DIAPH3: variants seen among roughly 807,000 people sequenced by gnomAD.
DIAPH3 encodes diaphanous related formin 3.
A neutral mutation model predicts 144.3 loss-of-function variants in DIAPH3; 117 were observed. That is an observed-to-expected ratio of 0.81 (90% CI 0.70 to 0.95). The LOEUF (loss-of-function observed/expected upper bound fraction) is 0.95, where lower values mean the gene tolerates loss of function less well. Among genes scored for constraint, DIAPH3 ranks in the 40% least tolerant of loss-of-function variants. DIAPH3 has a pLI of 0.00. For synonymous variants in DIAPH3, 519 were observed against 488.9 expected (o/e 1.06, Z -0.81); for missense variants, 1,421 against 1,412.7 (o/e 1.01, Z -0.09).
chr13:59,770,787 G>A (rs2139253818), intron 27 of DIAPH3, among the ~76,000 whole-genome samples: 1 of 152,182 alleles, frequency 6.6e-6, no homozygotes, highest in Middle Eastern at 3.4e-3. Context: ...ACCAAAAGTA[G>A]GGCAATTATT....
chr13:60,058,147 A>C (rs1194841805), intron 4 of DIAPH3, among the ~76,000 whole-genome samples: 3 of 152,008 alleles, frequency 2.0e-5, no homozygotes, highest in African/African-American at 7.2e-5. Flanking sequence ...GCATCTGACA[A>C]AGAATTAATA....
chr13:60,060,934 T>C (rs2056745170), intron 4 of DIAPH3, among the ~76,000 whole-genome samples: 1 of 151,434 alleles, frequency 6.6e-6, no homozygotes. Context: ...GTATCTATTA[T>C]ATACTGTTAT....
intron 22 of DIAPH3, among the ~76,000 whole-genome samples, chr13:59,840,465 T>G (rs1402888932): frequency 6.7e-6 from 1 of 148,422 alleles, no homozygotes; most frequent in African/African-American, 2.5e-5. Context: ...AACTGAGTTG[T>G]TTTTTTTTTA....
At chr13:59,807,249 A>G (rs2040246285) in intron 25 of DIAPH3, among the ~76,000 whole-genome samples, 1 of 151,870 alleles carries the variant, frequency 6.6e-6, no homozygotes, top group Non-Finnish European at 1.5e-5. Flanking sequence ...GTTTTAGAAG[A>G]GGTCTTTCAC....
intron 22 of DIAPH3, among the ~76,000 whole-genome samples, chr13:59,861,069 T>C (rs1233073049): frequency 6.6e-6 from 1 of 152,156 alleles, no homozygotes; most frequent in Non-Finnish European, 1.5e-5. Flanking sequence ...AGGCTATCAG[T>C]GCCTATGAAT....
intron 5 of DIAPH3, among the ~76,000 whole-genome samples, chr13:60,036,537 G>A: frequency 6.6e-6 from 1 of 151,518 alleles, no homozygotes; most frequent in East Asian, 1.9e-4. Context: ...TACCTCCGTG[G>A]TATCAATATC....
At chr13:60,094,419 G>T (rs1037786783) in intron 3 of DIAPH3, among the ~76,000 whole-genome samples, 1 of 152,056 alleles carries the variant, frequency 6.6e-6, no homozygotes, top group Admixed American at 6.6e-5. Context: ...ATTCAAGTCA[G>T]GTATATATCC....
At chr13:59,938,420 G>T (rs1450050220) in intron 17 of DIAPH3, among the ~76,000 whole-genome samples, 9 of 151,998 alleles carry the variant, frequency 5.9e-5, no homozygotes, top group Non-Finnish European at 4.4e-5. Flanking sequence ...ACCAGCCTGG[G>T]CAACAAAATG....
At chr13:59,694,150 G>A (rs562316805) in intron 27 of DIAPH3, among the ~76,000 whole-genome samples, 6 of 152,214 alleles carry the variant, frequency 3.9e-5, no homozygotes, top group African/African-American at 1.4e-4. Flanking sequence ...TAGCCTCAGT[G>A]ACATCAAGAA....
In DIAPH3 at chr13:59,928,457, AT is replaced by A. The variant is rs763745546; in HGVS notation, c.2075-3588del. ...GTATCATGTTTCCTTTCTTTTTCAG[AT>A]TTTTTTGTGTGTCCCTAAAGTGATA... On this transcript the variant is annotated intron_variant, in intron 17 of 27. Transcript: ENST00000400324. Among the ~76,000 whole-genome samples, 6 of 151,916 alleles carry A rather than the reference AT, an allele frequency of 3.9e-5. No homozygotes were observed. The South Asian group carries it at 1.0e-3, about 26-fold the overall frequency.
At chr13:60,130,017 C>T (rs1214200149) in intron 2 of DIAPH3, among the ~76,000 whole-genome samples, 1 of 152,158 alleles carries the variant, frequency 6.6e-6, no homozygotes, top group East Asian at 1.9e-4. Context: ...TTAAGAAACT[C>T]ACCAAAACTA....
At chr13:59,733,134 T>A (rs943090867) in intron 27 of DIAPH3, among the ~76,000 whole-genome samples, 1 of 152,176 alleles carries the variant, frequency 6.6e-6, no homozygotes, top group Non-Finnish European at 1.5e-5. Context: ...TCTAAGGCAC[T>A]CACTTAGAAA....
intron 22 of DIAPH3, among the ~76,000 whole-genome samples, chr13:59,840,680 A>AGGAGT (rs199825638): frequency 0.011 from 1,745 of 152,260 alleles, 20 homozygotes; most frequent in Middle Eastern, 0.024. Context: ...GCAACGTTTA[A>AGGAGT]GGAGTCCAAT....
chr13:59,796,752 A>G (rs921269069), intron 25 of DIAPH3, among the ~76,000 whole-genome samples: 18 of 152,340 alleles, frequency 1.2e-4, no homozygotes, highest in African/African-American at 3.8e-4. Context: ...GAAAAAAACC[A>G]TACTGTATAA....
intron 5 of DIAPH3, among the ~76,000 whole-genome samples, chr13:60,041,548 C>CATGT (rs1482252993): frequency 2.0e-5 from 3 of 152,148 alleles, no homozygotes; most frequent in African/African-American, 7.2e-5. Context: ...CTTTTAAATA[C>CATGT]ATGTACGGTC....
intron 9 of DIAPH3, among the ~76,000 whole-genome samples, chr13:59,993,950 A>C (rs1302083575): frequency 6.6e-6 from 1 of 151,886 alleles, no homozygotes; most frequent in Admixed American, 6.6e-5. Flanking sequence ...CTTCTAGAAA[A>C]ACACAAATTA....
At chr13:60,005,967 T>C (rs1382759838) in intron 9 of DIAPH3, among the ~76,000 whole-genome samples, 1 of 152,224 alleles carries the variant, frequency 6.6e-6, no homozygotes, top group Non-Finnish European at 1.5e-5. Flanking sequence ...CTGATAGTTC[T>C]CTTTCTAGAT....
chr13:60,048,534 T>C (rs1364351233), intron 4 of DIAPH3, among the ~76,000 whole-genome samples: 3 of 152,022 alleles, frequency 2.0e-5, no homozygotes, highest in African/African-American at 7.2e-5. Flanking sequence ...TCTCCTAGAG[T>C]AGTGAGAATT....
intron 15 of DIAPH3, 94 bp from the exon 16 acceptor site, chr13:59,971,254 C>T: frequency 8.4e-7 from 1 of 1,190,878 alleles, no homozygotes; most frequent in Non-Finnish European, 1.2e-6. Context: ...TCATTTAAAC[C>T]AAAAATAATT....
Sources: allele counts gnomAD v4.1 joint callset (sites outside exome capture counted in the v4.1 genomes callset), GRCh38; gene constraint gnomAD v4.1.1; transcripts MANE v1.5; gene names NCBI Gene and HGNC (gene_info 2026-07-23, HGNC 2026-07-21).